TMTC2: variants seen among roughly 807,000 people sequenced by gnomAD.
The protein encoded by TMTC2 is transmembrane O-mannosyltransferase targeting cadherins 2, also known as protein O-mannosyl-transferase TMTC2.
TMTC2 carries 43 observed loss-of-function variants against 82.4 expected under a neutral mutation model. That is an observed-to-expected ratio of 0.52 (90% CI 0.41 to 0.67). TMTC2 has a LOEUF of 0.67. Ranked by LOEUF, TMTC2 falls within the 30% of genes least tolerant of loss-of-function variation. The pLI is 0.00. For synonymous variants in TMTC2, 408 were observed against 381.9 expected (o/e 1.07, Z -0.80); for missense variants, 919 against 1,012.4 (o/e 0.91, Z 1.25).
intron 2 of TMTC2, among the ~76,000 whole-genome samples, chr12:82,869,132 T>A (rs1479522273): frequency 6.6e-6 from 1 of 151,890 alleles, no homozygotes; most frequent in Non-Finnish European, 1.5e-5. Context: ...ATGGGGCGAG[T>A]GGCAGGGGTG....
chr12:82,876,066 GTGATGATGATGATGGTGATTAGTATT>G (rs1872515050), intron 2 of TMTC2, among the ~76,000 whole-genome samples: 1 of 101,100 alleles, frequency 9.9e-6, no homozygotes, highest in African/African-American at 4.8e-5. Context: ...GGTGGTGGTG[GTGATGATGATGATGGTGATTAGTATT>G]CATAATGGTG....
chr12:82,710,214 C>T (rs1349789941), intron 1 of TMTC2, among the ~76,000 whole-genome samples: 1 of 152,216 alleles, frequency 6.6e-6, no homozygotes, highest in Non-Finnish European at 1.5e-5. Context: ...CTTGGTGCTA[C>T]TCGATCAATT....
intron 11 of TMTC2, among the ~76,000 whole-genome samples, chr12:83,085,908 T>C (rs1883638490): frequency 6.6e-6 from 1 of 152,214 alleles, no homozygotes; most frequent in Non-Finnish European, 1.5e-5. Context: ...TCTCCTGTCA[T>C]GGACCTTGAT....
At chr12:82,867,175 A>G (rs747261758) in intron 2 of TMTC2, among the ~76,000 whole-genome samples, 12 of 152,126 alleles carry the variant, frequency 7.9e-5, no homozygotes, top group Admixed American at 2.0e-4. Context: ...TCTGATTATA[A>G]CTCTTGCATC....
chr12:83,029,042 G>T (rs1881302510), intron 8 of TMTC2, among the ~76,000 whole-genome samples: 1 of 152,150 alleles, frequency 6.6e-6, no homozygotes, highest in East Asian at 1.9e-4. Flanking sequence ...ACTAGCTATA[G>T]GTAGTAGAGA....
intron 3 of TMTC2, among the ~76,000 whole-genome samples, chr12:82,922,818 C>T (rs1875473929): frequency 6.6e-6 from 1 of 151,914 alleles, no homozygotes; most frequent in Admixed American, 6.6e-5. Flanking sequence ...TGTTATGGTC[C>T]ATTCATGTAA....
intron 4 of TMTC2, among the ~76,000 whole-genome samples, chr12:82,944,376 A>G (rs1382501233): frequency 2.0e-5 from 3 of 151,992 alleles, no homozygotes; most frequent in Non-Finnish European, 2.9e-5. Flanking sequence ...CGAGGTCAGG[A>G]GATCGAGAAC....
intron 1 of TMTC2, among the ~76,000 whole-genome samples, chr12:82,744,637 T>G (rs904388749): frequency 2.0e-5 from 3 of 151,074 alleles, no homozygotes; most frequent in African/African-American, 7.3e-5. Flanking sequence ...CATCTGCCAG[T>G]TATTTTAAAA....
At chr12:82,858,761 C>G (rs1213969996) in intron 2 of TMTC2, among the ~76,000 whole-genome samples, 1 of 151,330 alleles carries the variant, frequency 6.6e-6, no homozygotes, top group Admixed American at 6.6e-5. Context: ...TTTGTGATTT[C>G]AATTAAATGC....
chr12:82,814,774 T>C (rs955179206), intron 1 of TMTC2, among the ~76,000 whole-genome samples: 1 of 152,144 alleles, frequency 6.6e-6, no homozygotes, highest in Non-Finnish European at 1.5e-5. Context: ...CAGATGTGGT[T>C]GAGGAACATT....
Position 82,949,479 on chromosome 12 carries a change from T to A in TMTC2, c.1599-15545T>A, listed in dbSNP as rs149344562. ...GGGGAAAGGGGAAAAGTTGCTTTTTTAAAATTTTTTAAATTAAATTATCTG... is the reference window on the plus strand; with the variant it reads ...GGGGAAAGGGGAAAAGTTGCTTTTTAAAAATTTTTTAAATTAAATTATCTG... On this transcript the variant is annotated intron_variant, in intron 4 of 11. Coordinates refer to ENST00000321196, the MANE Select transcript of TMTC2 (RefSeq NM_152588.3). Among the ~76,000 whole-genome samples, 5 of 152,298 alleles carry A rather than the reference T, an allele frequency of 3.3e-5. No individual in the cohort carries two copies. The East Asian group carries it at 5.8e-4, about 18-fold the overall frequency.
At chr12:83,115,174 T>G (rs1351656663) in intron 11 of TMTC2, among the ~76,000 whole-genome samples, 2 of 152,172 alleles carry the variant, frequency 1.3e-5, no homozygotes, top group African/African-American at 4.8e-5. Flanking sequence ...CAGCTGGAAA[T>G]CCTTCTGTGT....
chr12:82,892,840 C>CCTTTAT (rs1322886283), intron 2 of TMTC2, among the ~76,000 whole-genome samples: 1 of 152,134 alleles, frequency 6.6e-6, no homozygotes, highest in Non-Finnish European at 1.5e-5. Flanking sequence ...TATCTTGTCT[C>CCTTTAT]CTTTATCTTT....
At chr12:82,937,012 C>A (rs1384870150) in intron 4 of TMTC2, among the ~76,000 whole-genome samples, 1 of 152,104 alleles carries the variant, frequency 6.6e-6, no homozygotes, top group Non-Finnish European at 1.5e-5. Context: ...ATATTTTGAT[C>A]ATTATCACTG....
At chr12:82,800,336 T>G (rs191158386) in intron 1 of TMTC2, among the ~76,000 whole-genome samples, 1 of 152,238 alleles carries the variant, frequency 6.6e-6, no homozygotes, top group Admixed American at 6.5e-5. Flanking sequence ...GAGGGAAACA[T>G]CTGGCTCGTT....
chr12:82,799,807 G>C (rs10746258), intron 1 of TMTC2, among the ~76,000 whole-genome samples: 51,714 of 151,836 alleles, frequency 0.34, 9,051 homozygotes, highest in Middle Eastern at 0.54. Context: ...AGGTCTTGCC[G>C]ATGAATCCCT....
chr12:82,806,243 G>A (rs1277186799), intron 1 of TMTC2, among the ~76,000 whole-genome samples: 1 of 152,006 alleles, frequency 6.6e-6, no homozygotes, highest in Non-Finnish European at 1.5e-5. Flanking sequence ...TGCCAACTCT[G>A]ACAGCATTTT....
At chr12:82,764,974 C>T (rs534471549) in intron 1 of TMTC2, among the ~76,000 whole-genome samples, 1 of 145,022 alleles carries the variant, frequency 6.9e-6, no homozygotes, top group African/African-American at 2.5e-5. Flanking sequence ...GTCTGGTGGG[C>T]GGGGGGGTGA....
At chr12:83,056,711 G>A (rs1334750844) in intron 10 of TMTC2, among the ~76,000 whole-genome samples, 3 of 151,810 alleles carry the variant, frequency 2.0e-5, no homozygotes, top group Non-Finnish European at 4.4e-5. Flanking sequence ...CCACGCGAAA[G>A]TCACTGGATT....
Sources: gnomAD v4.1 joint callset for allele counts (sites outside exome capture counted in the v4.1 genomes callset) on GRCh38, gnomAD v4.1.1 for gene constraint, MANE v1.5 for transcripts, NCBI Gene and HGNC (gene_info 2026-07-23, HGNC 2026-07-21) for gene names.